PIWIL1: variants seen among roughly 807,000 people sequenced by gnomAD.
PIWIL1 encodes piwi like RNA-mediated gene silencing 1.
Under a neutral mutation model 114.4 loss-of-function variants are expected in PIWIL1, and 73 were observed. The observed-to-expected ratio is 0.64, with a 90% confidence interval of 0.53 to 0.78. The LOEUF is 0.78. Among genes scored for constraint, PIWIL1 ranks in the 30% least tolerant of loss-of-function variants. The probability of loss-of-function intolerance (pLI) is 0.00; values close to 1 mark genes in which losing one functional copy is unlikely to be tolerated. For synonymous variants in PIWIL1, 375 were observed against 369.0 expected (o/e 1.02, Z -0.19); for missense variants, 723 against 1,063.1 (o/e 0.68, Z 4.45).
downstream of PIWIL1, among the ~76,000 whole-genome samples, chr12:130,377,417 C>T (rs1313579545): frequency 6.6e-6 from 1 of 152,150 alleles, no homozygotes; most frequent in African/African-American, 2.4e-5. Context: ...TGTCGGTGCG[C>T]ACGCAGTTCA....
rs1369125286 is a variant in PIWIL1 at position 130,346,926 on chromosome 12, CCT to C, written c.532-10_532-9del. 1.2e-6 allele frequency: 2 copies of C among 1,606,342 alleles called. No individual in the cohort carries two copies. The highest frequency in any genetic ancestry group is 2.2e-5 in the East Asian group (1 of 44,840). ...AAGGATTTAAAGTTTGGGTTTTCCACCTCTCTGGCTTCAGGTTACTGAAGTTT... is the reference window on the plus strand; with the variant it reads ...AAGGATTTAAAGTTTGGGTTTTCCACCTCTGGCTTCAGGTTACTGAAGTTT... On this transcript the variant is annotated splice_polypyrimidine_tract_variant and intron_variant, in intron 5 of 20. Coordinates refer to ENST00000245255, the MANE Select transcript of PIWIL1 (RefSeq NM_004764.5).
At chr12:130,393,341 C>CAT in the PIWIL1 span, among the ~76,000 whole-genome samples, 1 of 137,396 alleles carries the variant, frequency 7.3e-6, no homozygotes, top group Non-Finnish European at 1.6e-5. Context: ...ACCATCATCA[C>CAT]GTGTGTCCGT....
At chr12:130,339,416 T>C (rs577812138) in intron 1 of PIWIL1, 137 of 152,386 alleles carry the variant, frequency 9.0e-4, no homozygotes, top group African/African-American at 3.3e-3. Flanking sequence ...GCATAGAATG[T>C]ACCGCTCAAC....
intron 6 of PIWIL1, among the ~76,000 whole-genome samples, chr12:130,347,515 G>A (rs2073100888): frequency 6.6e-6 from 1 of 152,166 alleles, no homozygotes; most frequent in Non-Finnish European, 1.5e-5. Context: ...TTTTGAGGGG[G>A]ATGAGAAACA....
At chr12:130,342,690 GACT>G in intron 2 of PIWIL1, 21 bp downstream of exon 2, 1 of 1,581,176 alleles carries the variant, frequency 6.3e-7, no homozygotes, top group Non-Finnish European at 8.7e-7. Context: ...CACCGTTTCT[GACT>G]ACAGAAAATG....
At chr12:130,413,165 T>C in the PIWIL1 span, among the ~76,000 whole-genome samples, 419 of 152,280 alleles carry the variant, frequency 2.8e-3, no homozygotes, top group Non-Finnish European at 4.7e-3. Flanking sequence ...CTGCCTGAAA[T>C]GGGTTCCTAC....
chr12:130,357,377 A>T, intron 13 of PIWIL1, 104 bp from the exon 14 acceptor site: 1 of 847,570 alleles, frequency 1.2e-6, no homozygotes, highest in East Asian at 2.5e-5. Context: ...GTTTGATTTC[A>T]TGTTTTATAC....
rs1364239329 is a variant in PIWIL1, at chr12:130,371,194, G to C, written c.2340G>C (p.Val780=). The C allele has an allele frequency of 1.2e-6, 2 of 1,613,912 alleles. No homozygotes were observed. The highest frequency in any genetic ancestry group is 4.5e-5 in the East Asian group (2 of 44,884). Residue 780 remains valine (V), a synonymous_variant, in exon 20 of 21, where the codon GTG becomes GTC. Coordinates refer to ENST00000245255, the MANE Select transcript of PIWIL1 (RefSeq NM_004764.5). The part of the protein sequence containing the change: ...TRPEWYDFFI[V]SQAVRSGSVS... Reference sequence around the variant, plus strand: ...ATTCCAGGTATGACTTTTTTATCGTGAGCCAGGCTGTGAGAAGTGGTAGTG... The same window carrying C: ...ATTCCAGGTATGACTTTTTTATCGTCAGCCAGGCTGTGAGAAGTGGTAGTG...
intron 18 of PIWIL1, among the ~76,000 whole-genome samples, chr12:130,365,621 G>T (rs1223456062): frequency 6.6e-6 from 1 of 152,174 alleles, no homozygotes; most frequent in Non-Finnish European, 1.5e-5. Context: ...ACTGTTTGAT[G>T]CAAGAACAAA....
the PIWIL1 span, among the ~76,000 whole-genome samples, chr12:130,423,152 T>C: frequency 6.6e-6 from 1 of 152,208 alleles, no homozygotes; most frequent in African/African-American, 2.4e-5. Context: ...AATTCACCTT[T>C]AGATCAGGGT....
At chr12:130,358,036 G>A (rs1339986131) in intron 14 of PIWIL1, among the ~76,000 whole-genome samples, 5 of 152,134 alleles carry the variant, frequency 3.3e-5, no homozygotes, top group East Asian at 3.9e-4. Context: ...CCGAGGGGTC[G>A]GGATAGGGAT....
chr12:130,354,348 A>G (rs1487115407), intron 9 of PIWIL1, among the ~76,000 whole-genome samples, 189 bp from the exon 10 acceptor site: 1 of 152,242 alleles, frequency 6.6e-6, no homozygotes, highest in Non-Finnish European at 1.5e-5. Flanking sequence ...TCAGTAGAGC[A>G]TAGAAGTCAC....
At chr12:130,370,406 TAAAC>T (rs1405107450) in intron 19 of PIWIL1, among the ~76,000 whole-genome samples, 1 of 152,212 alleles carries the variant, frequency 6.6e-6, no homozygotes, top group African/African-American at 2.4e-5. Flanking sequence ...CATTATTCCT[TAAAC>T]AATACAGTAA....
At chr12:130,424,930 G>A in the PIWIL1 span, 1 of 941,462 alleles carries the variant, frequency 1.1e-6, no homozygotes, top group Non-Finnish European at 1.4e-6. This position sits in a 1 kb window ranked among gnomAD's most constrained non-coding sequence, Gnocchi z 9.8. Flanking sequence ...GGCCAGGGGA[G>A]GAAAGAAAAT....
rs142677968 is a variant in PIWIL1 at position 130,371,582 on chromosome 12, G to A, written c.2570G>A (p.Arg857His). Residue 857 changes from arginine (R) to histidine (H), a missense_variant, in exon 21 of 21, where the codon CGC (arginine) becomes CAC (histidine). Arg to His is a conservative substitution (Grantham distance 29). Coordinates refer to ENST00000245255, the MANE Select transcript of PIWIL1 (RefSeq NM_004764.5). ...GAGCCAAATCTGTCACTGTCAAACC[G>A]CCTTTACTACCTCTAACCTGCAGAA... ...HREPNLSLSN[R>H]LYYL 15 of 1,609,344 alleles carry A rather than the reference G, an allele frequency of 9.3e-6. No individual in the cohort carries two copies. The highest frequency in any genetic ancestry group is 8.0e-5 in the African/African-American group (6 of 74,754).
the PIWIL1 span, among the ~76,000 whole-genome samples, chr12:130,394,361 G>A: frequency 6.6e-6 from 1 of 152,340 alleles, no homozygotes; most frequent in African/African-American, 2.4e-5. Flanking sequence ...ACGCGGAGGT[G>A]CACGGAGCCA....
intron 4 of PIWIL1, among the ~76,000 whole-genome samples, chr12:130,346,127 G>A (rs60885831): frequency 6.6e-6 from 1 of 152,104 alleles, no homozygotes; most frequent in African/African-American, 2.4e-5. Flanking sequence ...AGTTGGTTTT[G>A]TTGCAAATTA....
chr12:130,346,576 C>T lies in PIWIL1; in HGVS notation c.523C>T (p.Gln175Ter), dbSNP rs2073074603. The stretch of plus-strand genomic sequence containing the variant: ...GATATTATTTTTACCTAAAAGACTA[C>T]AGCAAAAGGTTATTTGGGAAAAGGG... ...GTILFLPKRL[Q>*]QKVTEVFSKT... The change falls in exon 5 of 21, where the codon CAG (glutamine) becomes TAG (stop). Residue 175 changes from glutamine to a stop codon, truncating the protein, a stop_gained. Transcript: ENST00000245255. LOFTEE classifies it high-confidence loss of function. 1.9e-6 allele frequency: 3 copies of T among 1,611,448 alleles called. No homozygotes were observed. The highest frequency in any genetic ancestry group is 2.5e-6 in the Non-Finnish European group (3 of 1,177,812).
At position 130,349,342 on chromosome 12, in the gene PIWIL1, T is replaced by G; in HGVS notation, c.838T>G (p.Leu280Val). Residue 280 changes from leucine (L) to valine (V), a missense_variant, in exon 8 of 21, where the codon TTG becomes GTG. Coordinates refer to ENST00000245255, the MANE Select transcript of PIWIL1 (RefSeq NM_004764.5). The stretch of plus-strand genomic sequence containing the variant: ...TAAAGTCCTTCGAAGTGAGACTGTT[T>G]TGGATTTCATGTTCAACTTTTATCA... ...SHKVLRSETV[L>V]DFMFNFYHQT... The G allele has an allele frequency of 1.2e-6, 2 of 1,613,880 alleles. No homozygotes were observed. The highest frequency in any genetic ancestry group is 1.7e-6 in the Non-Finnish European group (2 of 1,179,740).
Sources: gnomAD v4.1 joint callset for allele counts (sites outside exome capture counted in the v4.1 genomes callset) on GRCh38, gnomAD v4.1.1 for gene constraint, Gnocchi (gnomAD v3.1) non-coding constraint, MANE v1.5 for transcripts, NCBI Gene and HGNC (gene_info 2026-07-23, HGNC 2026-07-21) for gene names.